The following NALF1 variants were observed in gnomAD, a reference collection of about 807,000 sequenced individuals.
NALF1 encodes the protein NALCN channel auxiliary factor 1.
In NALF1, 3 loss-of-function variants were observed where a neutral mutation model predicts 48.4. The ratio of observed to expected loss-of-function variants is 0.06; its 90% CI spans 0.03 to 0.16. The LOEUF (loss-of-function observed/expected upper bound fraction) is 0.16, where lower values mean the gene tolerates loss of function less well. NALF1 is among the 10% of genes least tolerant of loss of function. The pLI is 1.00. For missense variants in NALF1, 526 were observed against 571.5 expected (o/e 0.92, Z 0.81); for synonymous variants, 262 against 245.7 (o/e 1.07, Z -0.62).
Position 107,555,575 on chromosome 13 carries a change from G to A in NALF1, c.915+310107C>T, listed in dbSNP as rs201512510. Among the ~76,000 whole-genome samples the A allele has an allele frequency of 3.5e-4, 53 of 151,082 alleles. No homozygotes were observed. In the East Asian group the frequency reaches 6.8e-3, roughly 20 times the overall value. Reference sequence around the variant, plus strand: ...CTCCCAAAGTGATGAGATTATAGGCGTGAGCTACCACGCCCAGCCAGATGT... The same window carrying A: ...CTCCCAAAGTGATGAGATTATAGGCATGAGCTACCACGCCCAGCCAGATGT... On this transcript the variant is annotated intron_variant, in intron 1 of 2. Coordinates refer to ENST00000375915, the MANE Select transcript of NALF1 (RefSeq NM_001080396.3).
At chr13:107,699,335 A>G (rs565819888) in intron 1 of NALF1, among the ~76,000 whole-genome samples, 2 of 152,258 alleles carry the variant, frequency 1.3e-5, no homozygotes, top group South Asian at 4.1e-4. Context: ...TTTGATAGAG[A>G]GAAGTAAAGA....
intron 1 of NALF1, among the ~76,000 whole-genome samples, chr13:107,361,725 A>C (rs1270446004): frequency 6.6e-6 from 1 of 152,204 alleles, no homozygotes; most frequent in Non-Finnish European, 1.5e-5. Flanking sequence ...CACGGTAACC[A>C]AATACATATT....
intron 1 of NALF1, among the ~76,000 whole-genome samples, chr13:107,271,698 G>A (rs758915838): frequency 3.6e-4 from 54 of 148,622 alleles, no homozygotes; most frequent in Non-Finnish European, 6.4e-4. Context: ...TACAAATAAG[G>A]TAAACCCTCA....
chr13:107,639,995 T>A (rs1243225282), intron 1 of NALF1, among the ~76,000 whole-genome samples: 1 of 152,166 alleles, frequency 6.6e-6, no homozygotes, highest in African/African-American at 2.4e-5. Flanking sequence ...TAATCAAACA[T>A]CATCCAGGCA....
At chr13:107,245,934 A>AC (rs984241043) in intron 1 of NALF1, among the ~76,000 whole-genome samples, 5 of 151,764 alleles carry the variant, frequency 3.3e-5, no homozygotes, top group African/African-American at 1.2e-4. Context: ...CCCCACCCCT[A>AC]CCTCCAACTT....
intron 1 of NALF1, among the ~76,000 whole-genome samples, chr13:107,514,298 A>G (rs1438084449): frequency 6.6e-6 from 1 of 152,158 alleles, no homozygotes; most frequent in African/African-American, 2.4e-5. Flanking sequence ...AAAAATTACA[A>G]TTACTTTCCT....
At chr13:107,755,908 G>A (rs1877079884) in intron 1 of NALF1, among the ~76,000 whole-genome samples, 2 of 152,054 alleles carry the variant, frequency 1.3e-5, no homozygotes, top group South Asian at 4.1e-4. Context: ...ACAATCTTAT[G>A]GCAGTCCTTT....
At chr13:107,802,176 T>C (rs972163307) in intron 1 of NALF1, among the ~76,000 whole-genome samples, 1 of 152,180 alleles carries the variant, frequency 6.6e-6, no homozygotes, top group Non-Finnish European at 1.5e-5. Flanking sequence ...TGTGTAATAA[T>C]TTTTGTAATT....
At chr13:107,583,661 C>T (rs1425460849) in intron 1 of NALF1, among the ~76,000 whole-genome samples, 2 of 152,078 alleles carry the variant, frequency 1.3e-5, no homozygotes, top group African/African-American at 2.4e-5. Flanking sequence ...ATTCTCTTAC[C>T]TAAAGAGAGC....
chr13:107,502,878 T>C (rs758108010), intron 1 of NALF1, among the ~76,000 whole-genome samples: 10 of 152,164 alleles, frequency 6.6e-5, no homozygotes, highest in Non-Finnish European at 1.2e-4. Flanking sequence ...GATTGTCCAT[T>C]TCTGTATTTA....
intron 1 of NALF1, among the ~76,000 whole-genome samples, chr13:107,417,917 C>T (rs1451612394): frequency 2.6e-5 from 4 of 151,916 alleles, no homozygotes; most frequent in African/African-American, 4.8e-5. Context: ...AAAATATAGC[C>T]GGGTAGGGTG....
chr13:107,508,176 T>C (rs138316699), intron 1 of NALF1, among the ~76,000 whole-genome samples: 167 of 152,236 alleles, frequency 1.1e-3, no homozygotes, highest in African/African-American at 3.8e-3. Context: ...TTAGAGGATA[T>C]TGTGCTTTTT....
intron 2 of NALF1, 117 bp from the exon 3 acceptor site, chr13:107,170,903 A>T: frequency 2.2e-6 from 2 of 908,562 alleles, no homozygotes; most frequent in South Asian, 3.4e-5. Context: ...TTAGACATTT[A>T]TTTAAAGGAA....
At chr13:107,462,045 T>C (rs750188269) in intron 1 of NALF1, among the ~76,000 whole-genome samples, 3 of 152,322 alleles carry the variant, frequency 2.0e-5, no homozygotes, top group Admixed American at 6.5e-5. Context: ...TTTTCAAACA[T>C]TGGCTTTGAC....
chr13:107,174,086 T>C (rs1878861280), intron 2 of NALF1, among the ~76,000 whole-genome samples: 1 of 152,210 alleles, frequency 6.6e-6, no homozygotes, highest in African/African-American at 2.4e-5. Context: ...TGTTTATGTT[T>C]TTCTCACTCT....
chr13:107,724,739 T>G (rs1401693018), intron 1 of NALF1, among the ~76,000 whole-genome samples: 2 of 151,986 alleles, frequency 1.3e-5, no homozygotes, highest in Admixed American at 6.6e-5. Context: ...TTTTTGTGGT[T>G]TTTTTGTTTT....
chr13:107,860,342 A>T (rs1880538395), intron 1 of NALF1, among the ~76,000 whole-genome samples: 1 of 152,206 alleles, frequency 6.6e-6, no homozygotes, highest in Non-Finnish European at 1.5e-5. Flanking sequence ...CAGTTGAGCA[A>T]ATGGGATTAT....
intron 1 of NALF1, among the ~76,000 whole-genome samples, chr13:107,650,287 C>T (rs1245500881): frequency 4.0e-5 from 6 of 150,112 alleles, no homozygotes; most frequent in African/African-American, 7.3e-5. Context: ...CTGAAGGGGG[C>T]GAGCGATGAG....
At chr13:107,218,209 C>G (rs1057206980) in intron 1 of NALF1, among the ~76,000 whole-genome samples, 2 of 152,188 alleles carry the variant, frequency 1.3e-5, no homozygotes, top group Non-Finnish European at 2.9e-5. Flanking sequence ...TCCTGTGTGA[C>G]CTCACTTGGA....
Sources: gnomAD v4.1 joint callset for allele counts (sites outside exome capture counted in the v4.1 genomes callset) on GRCh38, gnomAD v4.1.1 for gene constraint, MANE v1.5 for transcripts, NCBI Gene and HGNC (gene_info 2026-07-23, HGNC 2026-07-21) for gene names.